PLB1: variants seen among roughly 807,000 people sequenced by gnomAD.
PLB1 encodes phospholipase B1, also known as phospholipase B1, membrane-associated.
In PLB1, 242 loss-of-function variants were observed where a neutral mutation model predicts 227.4. That is an observed-to-expected ratio of 1.06 (90% CI 0.96 to 1.18). The LOEUF (loss-of-function observed/expected upper bound fraction) is 1.18. Ranked by LOEUF, PLB1 falls within the 50% of genes most tolerant of loss-of-function variation. The probability of loss-of-function intolerance (pLI) is 0.00; values close to 1 mark genes in which losing one functional copy is unlikely to be tolerated. For missense variants in PLB1, 1,858 were observed against 1,816.3 expected (o/e 1.02, Z -0.42); for synonymous variants, 757 against 682.2 (o/e 1.11, Z -1.71).
intron 54 of PLB1, among the ~76,000 whole-genome samples, chr2:28,631,151 TC>T (rs1378237269): frequency 9.9e-6 from 1 of 101,310 alleles, no homozygotes; most frequent in Non-Finnish European, 1.9e-5. Context: ...AGACCCTATC[TC>T]AAAAAAAAAA....
At chr2:28,548,413 C>G in intron 14 of PLB1, 1 of 331,062 alleles carries the variant, frequency 3.0e-6, no homozygotes, top group South Asian at 2.4e-5. Flanking sequence ...AGAAGCCAAG[C>G]TGGATAACCG....
At position 28,529,747 on chromosome 2, in the gene PLB1, C is replaced by G. The variant is rs141605399; in HGVS notation, c.436C>G (p.Gln146Glu). The change falls in exon 8 of 58, where the codon CAA (glutamine) becomes GAA (glutamate). Residue 146 changes from glutamine (Q) to glutamate (E), a missense_variant. Transcript: ENST00000327757. The part of the protein sequence containing the change: ...DGAEDLWIQA[Q>E]ELVRNMKENL... ...GCACAGAGACTTGTGGATTCAGGCT[C>G]AAGAACTGGTGAGAAACATGAAAGA... The G allele has an allele frequency of 2.9e-4, 467 of 1,613,992 alleles. No individual in the cohort carries two copies. Among genetic ancestry groups the G allele is most frequent in the Non-Finnish European group, 3.8e-4 (446 of 1,180,030 alleles).
intron 11 of PLB1, among the ~76,000 whole-genome samples, chr2:28,539,990 C>A (rs752003187): frequency 3.4e-4 from 50 of 146,332 alleles, no homozygotes; most frequent in Non-Finnish European, 6.0e-4. Flanking sequence ...ACCCACCCCC[C>A]AGGGAGAGCT....
chr2:28,544,686 G>A (rs1407515497), intron 14 of PLB1, among the ~76,000 whole-genome samples: 2 of 152,188 alleles, frequency 1.3e-5, no homozygotes, highest in African/African-American at 4.8e-5. Context: ...CAATGAGGCC[G>A]GGAGAGCCCA....
intron 1 of PLB1, among the ~76,000 whole-genome samples, chr2:28,497,186 T>C (rs1300031262): frequency 6.6e-6 from 1 of 152,276 alleles, no homozygotes; most frequent in African/African-American, 2.4e-5. Flanking sequence ...TCTCCATATA[T>C]GCTGTGTACT....
intron 20 of PLB1, 133 bp from the exon 21 acceptor site, chr2:28,573,064 G>C: frequency 1.5e-6 from 1 of 662,366 alleles, no homozygotes. Flanking sequence ...TTCCCATGCT[G>C]AGTGAAGGTT....
chr2:28,620,783 C>G (rs1456977678), intron 48 of PLB1, 96 bp from the exon 49 acceptor site: 2 of 1,468,108 alleles, frequency 1.4e-6, no homozygotes, highest in Non-Finnish European at 1.9e-6. Context: ...ACTCCTGTGT[C>G]CCACCCATGT....
intron 43 of PLB1, 47 bp from the exon 44 acceptor site, chr2:28,613,984 C>A: frequency 6.6e-7 from 1 of 1,510,518 alleles, no homozygotes; most frequent in Non-Finnish European, 9.2e-7. Flanking sequence ...CTCAAGCAAA[C>A]TTCAGTGCTG....
chr2:28,601,498 C>CACTT (rs1683897232), intron 37 of PLB1, among the ~76,000 whole-genome samples, 166 bp downstream of exon 37: 1 of 151,836 alleles, frequency 6.6e-6, no homozygotes, highest in Non-Finnish European at 1.5e-5. Context: ...CACACACACA[C>CACTT]ACTTCTTACC....
intron 25 of PLB1, among the ~76,000 whole-genome samples, chr2:28,582,901 C>T (rs1440027588): frequency 6.6e-6 from 1 of 152,182 alleles, no homozygotes; most frequent in Non-Finnish European, 1.5e-5. Flanking sequence ...CCTAGAGGCC[C>T]ATCTCTAGGA....
chr2:28,513,448 A>AGT (rs1668504118), intron 1 of PLB1, among the ~76,000 whole-genome samples: 1 of 152,210 alleles, frequency 6.6e-6, no homozygotes, highest in Admixed American at 6.5e-5. Flanking sequence ...TGCCAAACTC[A>AGT]GTGTTTTCCC....
intron 1 of PLB1, among the ~76,000 whole-genome samples, chr2:28,502,265 G>A (rs1308242683): frequency 1.3e-5 from 2 of 152,200 alleles, no homozygotes; most frequent in East Asian, 3.9e-4. Context: ...GGACCATGTG[G>A]TCTCAAGGTT....
At chr2:28,550,116 T>A in intron 16 of PLB1, 32 bp downstream of exon 16, 2 of 1,531,340 alleles carry the variant, frequency 1.3e-6, no homozygotes, top group South Asian at 2.3e-5. Context: ...TTGACAAACA[T>A]GCAGATGAAC....
chr2:28,521,836 C>T (rs1042526025), intron 4 of PLB1, among the ~76,000 whole-genome samples: 9 of 152,182 alleles, frequency 5.9e-5, no homozygotes, highest in East Asian at 1.9e-4. Flanking sequence ...CAGAGCCCTA[C>T]TGTACCTCCC....
chr2:28,598,107 T>C (rs567467706), intron 34 of PLB1, 59 bp downstream of exon 34: 2 of 1,449,908 alleles, frequency 1.4e-6, no homozygotes, highest in East Asian at 4.7e-5. Flanking sequence ...GCCCCTTGGC[T>C]TCCCGAAAGT....
At chr2:28,638,517 A>C (rs951910663) in intron 56 of PLB1, among the ~76,000 whole-genome samples, 18 of 152,116 alleles carry the variant, frequency 1.2e-4, no homozygotes, top group Non-Finnish European at 2.2e-4. Flanking sequence ...GGACCTGGAA[A>C]GACCACTAGG....
intron 20 of PLB1, among the ~76,000 whole-genome samples, chr2:28,567,514 C>CT (rs2148246421): frequency 7.8e-6 from 1 of 128,138 alleles, no homozygotes; most frequent in East Asian, 2.1e-4. Context: ...ACTCTGTTGC[C>CT]AGGCTGGAGT....
chr2:28,567,332 G>C (rs1266967550), intron 20 of PLB1, among the ~76,000 whole-genome samples: 2 of 152,164 alleles, frequency 1.3e-5, no homozygotes, highest in Non-Finnish European at 2.9e-5. Context: ...GAATTGCGGG[G>C]TTGCTGTAGG....
chr2:28,591,290 G>C, intron 30 of PLB1, 119 bp downstream of exon 30: 1 of 1,258,442 alleles, frequency 7.9e-7, no homozygotes, highest in South Asian at 1.2e-5. Flanking sequence ...GGGCATAAAG[G>C]CCACCCACCT....
Sources: allele counts gnomAD v4.1 joint callset (sites outside exome capture counted in the v4.1 genomes callset), GRCh38; gene constraint gnomAD v4.1.1; transcripts MANE v1.5; gene names NCBI Gene and HGNC (gene_info 2026-07-23, HGNC 2026-07-21).